Variants in L3HYPDH observed in about 807,000 individuals in gnomAD.
The protein encoded by L3HYPDH is trans-3-hydroxy-L-proline dehydratase.
L3HYPDH carries 32 observed loss-of-function variants against 26.5 expected under a neutral mutation model. The ratio of observed to expected loss-of-function variants is 1.21; its 90% CI spans 0.91 to 1.62. L3HYPDH has a LOEUF of 1.62. L3HYPDH is among the 40% of genes most tolerant of loss of function. The pLI is 0.00. For synonymous variants in L3HYPDH, 215 were observed against 196.6 expected, an observed-to-expected ratio of 1.09 and a Z score of -0.78; for missense variants, 554 against 476.4, an observed-to-expected ratio of 1.16 and a Z score of -1.52.
upstream of L3HYPDH, chr14:59,485,583 C>A (rs1457332147): frequency 6.5e-6 from 1 of 153,686 alleles, no homozygotes; most frequent in African/African-American, 2.4e-5. Flanking sequence ...CAAGAATAGT[C>A]AAAAGATGCA....
At chr14:59,499,323 C>G in the L3HYPDH span, among the ~76,000 whole-genome samples, 4 of 151,890 alleles carry the variant, frequency 2.6e-5, no homozygotes, top group African/African-American at 4.8e-5. Flanking sequence ...TTTTAAAAAT[C>G]TAAGTATGTA....
intron 1 of L3HYPDH, among the ~76,000 whole-genome samples, chr14:59,482,917 C>T (rs762738507): frequency 2.5e-4 from 38 of 152,156 alleles, no homozygotes; most frequent in Non-Finnish European, 4.9e-4. Context: ...GAATTCAGCT[C>T]CTGGGAGGTA....
At position 59,483,682 on chromosome 14, in the gene L3HYPDH, TTC is replaced by T. The variant is rs140165769; in HGVS notation, c.508+125_508+126del. The T allele has an allele frequency of 2.2e-3, 3,264 of 1,465,416 alleles. 48 individuals are homozygous for T. The African/African-American group carries it at 0.041, about 19-fold the overall frequency. 90.8% of individuals were successfully genotyped at this position (1,465,416 alleles called of 1,614,324 possible). ...GACACACGTTGGCAGTGATTTACCT[TTC>T]TATTAATTGCAAGGTTTCGCGGAGT... On this transcript the variant is annotated intron_variant, in intron 1 of 4. Coordinates refer to ENST00000247194, the MANE Select transcript of L3HYPDH (RefSeq NM_144581.2).
At chr14:59,499,342 T>C in the L3HYPDH span, among the ~76,000 whole-genome samples, 1 of 152,178 alleles carries the variant, frequency 6.6e-6, no homozygotes, top group Admixed American at 6.5e-5. Context: ...TAATAAGAAA[T>C]AAAAACTGGT....
At chr14:59,502,755 T>TGTTTTTTTTTCTTTGTTTTTG in the L3HYPDH span, among the ~76,000 whole-genome samples, 54,931 of 122,228 alleles carry the variant, frequency 0.45, 15,365 homozygotes, top group East Asian at 0.78. Context: ...ATGAGATTTT[T>TGTTTTTTTTTCTTTGTTTTTG]TTTTTTTTTT....
rs778699075 is a variant in L3HYPDH, at chr14:59,484,207, G to A, written c.110C>T (p.Ala37Val). ...TGGEPLRIVL[A>V]GCPEVSGPTL... Reference sequence around the variant, plus strand: ...GGGCCCAGACACCTCCGGACACCCCGCCAGCACGATACGCAAGGGCTCGCC... The same window carrying A: ...GGGCCCAGACACCTCCGGACACCCCACCAGCACGATACGCAAGGGCTCGCC... The change falls in exon 1 of 5, where the codon GCG becomes GTG. Residue 37 changes from alanine to valine, a missense_variant. Ala to Val is a moderately conservative substitution (Grantham distance 64). Transcript: ENST00000247194. The A allele has an allele frequency of 1.9e-6, 3 of 1,598,818 alleles. No homozygotes were observed. Among genetic ancestry groups the A allele is most frequent in the South Asian group, 1.1e-5 (1 of 91,044 alleles).
intron 4 of L3HYPDH, among the ~76,000 whole-genome samples, chr14:59,475,398 T>A (rs571352653): frequency 1.3e-5 from 2 of 152,314 alleles, no homozygotes; most frequent in East Asian, 3.9e-4. Flanking sequence ...CATTAACATA[T>A]GAATAACACA....
At chr14:59,484,477 G>C, upstream of L3HYPDH, 1 of 1,434,818 alleles carries the variant, frequency 7.0e-7, no homozygotes, top group South Asian at 1.2e-5. Context: ...CTTCGGAGCT[G>C]TCGCCCGGGT....
chr14:59,473,333 C>T (rs1014202459), intron 4 of L3HYPDH, among the ~76,000 whole-genome samples: 1 of 152,126 alleles, frequency 6.6e-6, no homozygotes, highest in Admixed American at 6.6e-5. Context: ...AAGAGATAAC[C>T]TCAATTCACT....
upstream of L3HYPDH, chr14:59,487,576 A>G (rs1042660303): frequency 3.4e-6 from 3 of 889,752 alleles, no homozygotes; most frequent in African/African-American, 3.3e-5. Context: ...AAACTTAAAT[A>G]TTTAAACTGA....
intron 4 of L3HYPDH, chr14:59,474,569 C>T: frequency 2.9e-6 from 2 of 697,116 alleles, no homozygotes; most frequent in Non-Finnish European, 5.2e-6. Flanking sequence ...TGTCTGACAG[C>T]AATATAATAT....
the L3HYPDH span, among the ~76,000 whole-genome samples, chr14:59,503,290 A>G: frequency 6.6e-6 from 1 of 152,308 alleles, no homozygotes; most frequent in South Asian, 2.1e-4. Context: ...TAATGTGTTT[A>G]TTAGCACATT....
At chr14:59,489,114 T>A (rs1890797590), upstream of L3HYPDH, among the ~76,000 whole-genome samples, 1 of 152,270 alleles carries the variant, frequency 6.6e-6, no homozygotes, top group African/African-American at 2.4e-5. Context: ...TGAATTCCTC[T>A]CCTGAAAATG....
rs1287707305 is a variant in L3HYPDH, at chr14:59,472,920, A to T, written c.*45T>A. The T allele has an allele frequency of 2.0e-6, 3 of 1,525,224 alleles. No individual in the cohort carries two copies. Among genetic ancestry groups the T allele is most frequent in the Non-Finnish European group, 2.6e-6 (3 of 1,135,948 alleles). The allele number at this position is 1,525,224 out of a possible 1,614,324, so 94.5% of individuals were successfully genotyped here. A position where few individuals can be genotyped will look rare whatever the true frequency, so the allele number is the denominator to read the frequency against. On this transcript the variant is annotated 3_prime_UTR_variant, in exon 5 of 5. Transcript: ENST00000247194. ...AATTTAGAGAAAACAGTCCTTAAGG[A>T]TAATGATTACTTTAAAAAGAAAGCC...
chr14:59,483,777 C>G lies in L3HYPDH; in HGVS notation c.508+32G>C, dbSNP rs767268515. ...AGTTAGTCGCGTCCCGGTTGCAGCT[C>G]TGCCCTGGGCTGGAAAGGTCCCGCC... On this transcript the variant is annotated intron_variant, in intron 1 of 4. Transcript: ENST00000247194. The G allele has an allele frequency of 5.0e-6, 8 of 1,584,914 alleles. No individual in the cohort carries two copies. In the South Asian group the frequency reaches 9.0e-5, roughly 18 times the overall value.
At position 59,483,959 on chromosome 14, in the gene L3HYPDH, G is replaced by C; in HGVS notation, c.358C>G (p.Leu120Val). Reference sequence around the variant, plus strand: ...GTGCCCGCAGGGGGCGCCGGCACAAGCCCGAAGTCCAAAGCGAAGCGGCCC... The same window carrying C: ...GTGCCCGCAGGGGGCGCCGGCACAACCCCGAAGTCCAAAGCGAAGCGGCCC... ...ALGRFALDFG[L>V]VPAPPAGTRE... The change falls in exon 1 of 5, where the codon CTT becomes GTT. Residue 120 changes from leucine (L) to valine (V), a missense_variant. Coordinates refer to ENST00000247194, the MANE Select transcript of L3HYPDH (RefSeq NM_144581.2). The C allele has an allele frequency of 6.4e-7, 1 of 1,565,456 alleles. No individual in the cohort carries two copies. Among genetic ancestry groups the C allele is most frequent in the Non-Finnish European group, 8.6e-7 (1 of 1,161,210 alleles).
upstream of L3HYPDH, chr14:59,484,755 G>A: frequency 1.0e-6 from 1 of 1,000,882 alleles, no homozygotes; most frequent in Non-Finnish European, 1.5e-6. Flanking sequence ...ACTCCTGCGG[G>A]GTTGGGGTGG....
chr14:59,495,435 G>A, the L3HYPDH span: 1 of 498,548 alleles, frequency 2.0e-6, no homozygotes. Flanking sequence ...GGTGTCGTGA[G>A]GATTAAATTA....
chr14:59,471,358 G>A (rs564293700), downstream of L3HYPDH, among the ~76,000 whole-genome samples: 1 of 152,060 alleles, frequency 6.6e-6, no homozygotes, highest in African/African-American at 2.4e-5. Flanking sequence ...ACTTGGAGTC[G>A]GAACTCCTAG....
Sources: gnomAD v4.1 joint callset for allele counts (sites outside exome capture counted in the v4.1 genomes callset) on GRCh38, gnomAD v4.1.1 for gene constraint, MANE v1.5 for transcripts, NCBI Gene and HGNC (gene_info 2026-07-23, HGNC 2026-07-21) for gene names.